The following BPIFB1 variants were observed in gnomAD, a reference collection of about 807,000 sequenced individuals.
BPIFB1 encodes the protein BPI fold containing family B member 1, also known as BPI fold-containing family B member 1.
BPIFB1 carries 34 observed loss-of-function variants against 55.1 expected under a neutral mutation model. The observed-to-expected ratio is 0.62, with a 90% CI of 0.47 to 0.82. The LOEUF (loss-of-function observed/expected upper bound fraction) is 0.82, where lower values mean the gene tolerates loss of function less well. Ranked by LOEUF, BPIFB1 falls within the 40% of genes least tolerant of loss-of-function variation. The pLI, the probability that BPIFB1 is intolerant of heterozygous loss-of-function variation, is 0.00. For missense variants in BPIFB1, 532 were observed against 593.1 expected, an observed-to-expected ratio of 0.90 and a Z score of 1.07; for synonymous variants, 236 against 245.3, an observed-to-expected ratio of 0.96 and a Z score of 0.35.
intron 13 of BPIFB1, 87 bp from the exon 14 acceptor site, chr20:33,305,915 A>T: frequency 6.9e-7 from 1 of 1,442,436 alleles, no homozygotes; most frequent in African/African-American, 1.4e-5. Context: ...CACCTCACCC[A>T]TGGGGAGGAG....
At chr20:33,302,839 G>A in intron 10 of BPIFB1, 77 bp from the exon 11 acceptor site, 1 of 1,539,654 alleles carries the variant, frequency 6.5e-7, no homozygotes, top group South Asian at 1.2e-5. Flanking sequence ...AAGGCAGGCA[G>A]GGGCCAGGCC....
chr20:33,301,859 A>G (rs1349707304), intron 9 of BPIFB1, among the ~76,000 whole-genome samples: 1 of 152,148 alleles, frequency 6.6e-6, no homozygotes, highest in Non-Finnish European at 1.5e-5. Context: ...TTAACAGGGC[A>G]CAGCCGATAA....
intron 14 of BPIFB1, 77 bp downstream of exon 14, chr20:33,306,142 G>C: frequency 6.7e-7 from 1 of 1,501,238 alleles, no homozygotes; most frequent in Non-Finnish European, 9.3e-7. Flanking sequence ...CTCCATGAAT[G>C]GGGCCCCTTT....
Position 33,289,932 on chromosome 20 carries a change from C to A in BPIFB1, c.305C>A (p.Ser102Ter), listed in dbSNP as rs770775583. The stretch of plus-strand genomic sequence containing the variant: ...ATCCTCCAGCTGCAGGTGAAGCCCT[C>A]GGCCAATGACCAGGAGCTGCTAGTC... ...ANILQLQVKP[S>*]ANDQELLVKI... The change falls in exon 4 of 16, where the codon TCG becomes TAG. Residue 102 changes from serine to a stop codon, truncating the protein, a stop_gained. Transcript: ENST00000253354. LOFTEE classifies it high-confidence loss of function. 2 of 1,614,040 alleles carry A rather than the reference C, an allele frequency of 1.2e-6. 1 individual carries two copies. Among genetic ancestry groups the A allele is most frequent in the South Asian group, 2.2e-5 (2 of 91,076 alleles).
At chr20:33,290,781 G>A (rs1042952663) in intron 4 of BPIFB1, among the ~76,000 whole-genome samples, 176 bp from the exon 5 acceptor site, 13 of 152,236 alleles carry the variant, frequency 8.5e-5, no homozygotes, top group African/African-American at 3.1e-4. Flanking sequence ...TTCAACCAAA[G>A]AGGAGTCTGA....
At chr20:33,307,060 G>A in intron 15 of BPIFB1, 73 bp downstream of exon 15, 1 of 1,410,536 alleles carries the variant, frequency 7.1e-7, no homozygotes, top group South Asian at 1.1e-5. Flanking sequence ...TGGGAGGTGG[G>A]GCCTGCACTC....
chr20:33,302,314 C>G (rs1568652987), intron 9 of BPIFB1, 45 bp from the exon 10 acceptor site: 3 of 1,601,254 alleles, frequency 1.9e-6, no homozygotes, highest in Non-Finnish European at 2.6e-6. Flanking sequence ...AGATGTGCCT[C>G]CCTGTGCCCT....
intron 6 of BPIFB1, among the ~76,000 whole-genome samples, chr20:33,292,828 T>C (rs1980517381): frequency 6.6e-6 from 1 of 152,242 alleles, no homozygotes; most frequent in Admixed American, 6.5e-5. Context: ...AATTCCAAGA[T>C]GTGTTCGTAA....
At chr20:33,304,395 C>T (rs1735800911) in intron 12 of BPIFB1, among the ~76,000 whole-genome samples, 2 of 152,192 alleles carry the variant, frequency 1.3e-5, no homozygotes, top group South Asian at 4.1e-4. Context: ...GCAGGGGCTG[C>T]CAGCTGGAGC....
At chr20:33,289,780 C>A in intron 3 of BPIFB1, 105 bp from the exon 4 acceptor site, 1 of 1,060,250 alleles carries the variant, frequency 9.4e-7, no homozygotes, top group South Asian at 1.4e-5. Context: ...GCCAGGGTCC[C>A]GCTGCTGCCT....
intron 3 of BPIFB1, among the ~76,000 whole-genome samples, chr20:33,289,395 C>CAAAAA (rs1267786219): frequency 9.4e-6 from 1 of 105,830 alleles, no homozygotes; most frequent in Non-Finnish European, 1.9e-5. Flanking sequence ...AAAAAAAAAA[C>CAAAAA]AAAAAAAAAA....
intron 15 of BPIFB1, 28 bp downstream of exon 15, chr20:33,307,015 G>T: frequency 6.2e-7 from 1 of 1,602,686 alleles, no homozygotes; most frequent in Non-Finnish European, 8.6e-7. Context: ...TAAACATCCT[G>T]CCCCAGGGAG....
In BPIFB1 at chr20:33,288,220, G is replaced by C. The variant is rs1980334814; in HGVS notation, c.116-521G>C. Among the ~76,000 whole-genome samples the C allele has an allele frequency of 2.0e-5, 3 of 152,186 alleles. No homozygotes were observed. The South Asian group carries it at 6.2e-4, about 31-fold the overall frequency. On this transcript the variant is annotated intron_variant, in intron 2 of 15. Coordinates refer to ENST00000253354, the MANE Select transcript of BPIFB1 (RefSeq NM_033197.3). ...TCTAGCTGCTCACAAAAAGCCAGCTGGGACAAGAACCCAGGGCTCTTGACA... is the reference window on the plus strand; with the variant it reads ...TCTAGCTGCTCACAAAAAGCCAGCTCGGACAAGAACCCAGGGCTCTTGACA...
At chr20:33,305,474 C>T (rs902467306) in intron 13 of BPIFB1, among the ~76,000 whole-genome samples, 7 of 151,858 alleles carry the variant, frequency 4.6e-5, no homozygotes, top group South Asian at 2.1e-4. Context: ...CCCACCACCA[C>T]GCCCGGCTAA....
intron 6 of BPIFB1, 143 bp downstream of exon 6, chr20:33,292,131 G>A: frequency 1.3e-6 from 1 of 774,916 alleles, no homozygotes; most frequent in Non-Finnish European, 2.1e-6. Context: ...ATAGCAAAGA[G>A]TCATGGAGTG....
chr20:33,297,765 C>G, intron 7 of BPIFB1, 177 bp downstream of exon 7: 1 of 666,400 alleles, frequency 1.5e-6, no homozygotes, highest in Non-Finnish European at 2.7e-6. Flanking sequence ...AAATTCGCCA[C>G]GACTAGGACT....
intron 15 of BPIFB1, among the ~76,000 whole-genome samples, chr20:33,308,747 GCACA>G (rs1175375061): frequency 1.4e-5 from 2 of 144,562 alleles, no homozygotes; most frequent in African/African-American, 5.2e-5. Context: ...CATACATATT[GCACA>G]CATACACACC....
chr20:33,302,835 G>A, intron 10 of BPIFB1, 81 bp from the exon 11 acceptor site: 2 of 1,524,782 alleles, frequency 1.3e-6, no homozygotes, highest in Non-Finnish European at 1.8e-6. Context: ...CAGGAAGGCA[G>A]GCAGGGGCCA....
At chr20:33,303,196 A>AT in intron 11 of BPIFB1, 122 bp downstream of exon 11, 1 of 1,303,174 alleles carries the variant, frequency 7.7e-7, no homozygotes, top group East Asian at 2.4e-5. Flanking sequence ...GGGACAGGGG[A>AT]CAGGGAGCTC....
Sources: allele counts gnomAD v4.1 joint callset (sites outside exome capture counted in the v4.1 genomes callset), GRCh38; gene constraint gnomAD v4.1.1; transcripts MANE v1.5; gene names NCBI Gene and HGNC (gene_info 2026-07-23, HGNC 2026-07-21).